CNTNAP5: variants seen among roughly 807,000 people sequenced by gnomAD.
CNTNAP5 encodes contactin-associated protein-like 5.
A neutral mutation model predicts 150.2 loss-of-function variants in CNTNAP5; 72 were observed. That is an observed-to-expected ratio of 0.48 (90% CI 0.40 to 0.58). The LOEUF is 0.58. CNTNAP5 is among the 20% of genes least tolerant of loss of function. The pLI is 0.00. For synonymous variants in CNTNAP5, 672 were observed against 619.8 expected, an observed-to-expected ratio of 1.08 and a Z score of -1.25; for missense variants, 1,636 against 1,626.2, an observed-to-expected ratio of 1.01 and a Z score of -0.10.
chr2:124,306,378 G>A (rs1385254299), intron 3 of CNTNAP5, among the ~76,000 whole-genome samples: 1 of 152,150 alleles, frequency 6.6e-6, no homozygotes, highest in Non-Finnish European at 1.5e-5. Context: ...GCCTAACAGT[G>A]TGTCCCAAAC....
chr2:124,338,402 T>C (rs1689529563), intron 3 of CNTNAP5, among the ~76,000 whole-genome samples: 1 of 152,138 alleles, frequency 6.6e-6, no homozygotes, highest in South Asian at 2.1e-4. Flanking sequence ...TCCAACACTA[T>C]GTTGAATAGG....
intron 1 of CNTNAP5, among the ~76,000 whole-genome samples, chr2:124,089,436 C>A (rs1205717493): frequency 6.6e-6 from 1 of 152,034 alleles, no homozygotes; most frequent in East Asian, 1.9e-4. Flanking sequence ...GAAACTTGCC[C>A]CAGCTCATAC....
At chr2:124,147,873 A>G (rs1397533620) in intron 1 of CNTNAP5, among the ~76,000 whole-genome samples, 1 of 152,240 alleles carries the variant, frequency 6.6e-6, no homozygotes, top group Non-Finnish European at 1.5e-5. Flanking sequence ...TATCTTCAAC[A>G]GTGACTTTTC....
intron 8 of CNTNAP5, among the ~76,000 whole-genome samples, chr2:124,521,570 A>C (rs1167399738): frequency 6.6e-6 from 1 of 152,130 alleles, no homozygotes; most frequent in Non-Finnish European, 1.5e-5. Context: ...TACATGATAG[A>C]TACCTAATTC....
chr2:124,866,497 A>G (rs1370274756), intron 20 of CNTNAP5, among the ~76,000 whole-genome samples: 1 of 152,148 alleles, frequency 6.6e-6, no homozygotes, highest in Non-Finnish European at 1.5e-5. Context: ...TGCTGATCCC[A>G]CCTGGGCATC....
intron 11 of CNTNAP5, among the ~76,000 whole-genome samples, chr2:124,607,235 C>G (rs1011173942): frequency 6.6e-6 from 1 of 152,120 alleles, no homozygotes; most frequent in African/African-American, 2.4e-5. Context: ...GTCTTGGTCT[C>G]TCATGCAGCT....
At chr2:124,902,171 C>G (rs1678426865) in intron 21 of CNTNAP5, among the ~76,000 whole-genome samples, 1 of 152,096 alleles carries the variant, frequency 6.6e-6, no homozygotes, top group Non-Finnish European at 1.5e-5. Flanking sequence ...AATCTTACCA[C>G]CAATCTTGAA....
chr2:124,917,561 AAAC>A lies in CNTNAP5; in HGVS notation c.*3277_*3279del, dbSNP rs755600067. 8.5e-5 allele frequency among the ~76,000 whole-genome samples: 13 copies of A among 152,104 alleles called. No homozygotes were observed. The highest frequency in any genetic ancestry group is 1.8e-4 in the Non-Finnish European group (12 of 68,006). On this transcript the variant is annotated 3_prime_UTR_variant, in exon 24 of 24. Coordinates refer to ENST00000682447, the MANE Select transcript of CNTNAP5 (RefSeq NM_001367498.1). ...TAAGGATCCTAGCGGTGATGTTTTA[AAAC>A]AACTTTTTTCCTCTCCTTAGTAATA...
chr2:124,283,128 A>G (rs940741102), intron 3 of CNTNAP5, among the ~76,000 whole-genome samples: 1 of 151,672 alleles, frequency 6.6e-6, no homozygotes, highest in African/African-American at 2.4e-5. Flanking sequence ...TTTCCACTGT[A>G]TGAATTTGTG....
chr2:124,522,998 C>T (rs993778357), intron 8 of CNTNAP5, among the ~76,000 whole-genome samples: 1 of 152,150 alleles, frequency 6.6e-6, no homozygotes, highest in Non-Finnish European at 1.5e-5. Context: ...CTCTGTCTAC[C>T]CCACTAGCCT....
At chr2:124,119,051 C>A (rs1683495463) in intron 1 of CNTNAP5, among the ~76,000 whole-genome samples, 2 of 152,138 alleles carry the variant, frequency 1.3e-5, no homozygotes, top group African/African-American at 4.8e-5. Flanking sequence ...CTCTTTAGGG[C>A]CGTTGCACTT....
chr2:124,756,105 C>T (rs1277086189), intron 14 of CNTNAP5, among the ~76,000 whole-genome samples: 1 of 152,116 alleles, frequency 6.6e-6, no homozygotes, highest in Non-Finnish European at 1.5e-5. Flanking sequence ...TTATTTTCTC[C>T]ATTTTCAGCC....
intron 1 of CNTNAP5, among the ~76,000 whole-genome samples, chr2:124,176,543 G>A (rs1369691616): frequency 6.6e-6 from 1 of 152,188 alleles, no homozygotes. Context: ...CTTGATTATA[G>A]TTTTACATGA....
intron 1 of CNTNAP5, among the ~76,000 whole-genome samples, chr2:124,212,223 T>G (rs1164864340): frequency 2.6e-5 from 4 of 152,216 alleles, no homozygotes; most frequent in Non-Finnish European, 5.9e-5. Flanking sequence ...TTTCTCCCAA[T>G]CTTATCATTC....
At chr2:124,544,476 T>A (rs1695467558) in intron 10 of CNTNAP5, among the ~76,000 whole-genome samples, 1 of 152,192 alleles carries the variant, frequency 6.6e-6, no homozygotes, top group Non-Finnish European at 1.5e-5. Flanking sequence ...TGAGTTGGAA[T>A]ATCCCCCCTT....
chr2:124,776,798 T>C (rs952319284), intron 17 of CNTNAP5, among the ~76,000 whole-genome samples: 2 of 152,170 alleles, frequency 1.3e-5, no homozygotes, highest in Admixed American at 1.3e-4. Context: ...TGTATTTGCA[T>C]GGAGGATAAT....
intron 13 of CNTNAP5, among the ~76,000 whole-genome samples, chr2:124,691,989 C>T (rs1573550969): frequency 6.6e-6 from 1 of 152,072 alleles, no homozygotes; most frequent in Non-Finnish European, 1.5e-5. Flanking sequence ...GGAGATATAT[C>T]GGCTTTTACT....
At chr2:124,230,763 C>T (rs1180756386) in intron 2 of CNTNAP5, among the ~76,000 whole-genome samples, 2 of 151,988 alleles carry the variant, frequency 1.3e-5, no homozygotes, top group African/African-American at 4.8e-5. Context: ...AACTCCTGAC[C>T]TTAGGTGATC....
chr2:124,623,216 C>T (rs1248692429), intron 12 of CNTNAP5, among the ~76,000 whole-genome samples: 1 of 152,136 alleles, frequency 6.6e-6, no homozygotes, highest in East Asian at 1.9e-4. Context: ...ACTTTATAAT[C>T]TCATGTCCTT....
Sources: gnomAD v4.1 joint callset for allele counts (sites outside exome capture counted in the v4.1 genomes callset) on GRCh38, gnomAD v4.1.1 for gene constraint, MANE v1.5 for transcripts, NCBI Gene and HGNC (gene_info 2026-07-23, HGNC 2026-07-21) for gene names.